Variants in WDR41 observed in about 807,000 individuals in gnomAD.
WDR41 encodes the protein WD repeat-containing protein 41.
Under a neutral mutation model 69.3 loss-of-function variants are expected in WDR41, and 63 were observed. The observed-to-expected ratio is 0.91, with a 90% CI of 0.74 to 1.12. WDR41 has a LOEUF of 1.12. Among genes scored for constraint, WDR41 ranks in the 50% most tolerant of loss-of-function variants. The pLI, the probability that WDR41 is intolerant of heterozygous loss-of-function variation, is 0.00. For missense variants in WDR41, 543 were observed against 534.5 expected (o/e 1.02, Z -0.16); for synonymous variants, 185 against 192.1 (o/e 0.96, Z 0.31).
chr5:77,494,113 T>A (rs952705940), upstream of WDR41, among the ~76,000 whole-genome samples: 2 of 152,170 alleles, frequency 1.3e-5, no homozygotes, highest in Admixed American at 1.3e-4. Flanking sequence ...GAGATTGTTA[T>A]AACGTTAGGA....
rs140237733 is a variant in WDR41 at position 77,467,630 on chromosome 5, T to C, written c.168-2821A>G. Among the ~76,000 whole-genome samples, 736 of 152,166 alleles carry C rather than the reference T, an allele frequency of 4.8e-3. 1 individual carries two copies. The highest frequency in any genetic ancestry group is 7.5e-3 in the Non-Finnish European group (512 of 67,894). ...CCATATTTATTGATCTTTATCTTTA[T>C]AACATGGCACTTGCCAGTCTAATGA... On this transcript the variant is annotated intron_variant, in intron 2 of 12. Coordinates refer to ENST00000296679, the MANE Select transcript of WDR41 (RefSeq NM_018268.4).
chr5:77,439,299 G>A (rs1799067701), intron 9 of WDR41, among the ~76,000 whole-genome samples: 1 of 152,118 alleles, frequency 6.6e-6, no homozygotes, highest in Non-Finnish European at 1.5e-5. Flanking sequence ...CAGCCTCCAA[G>A]ACTACAAACT....
intron 10 of WDR41, among the ~76,000 whole-genome samples, chr5:77,437,690 T>C (rs1321575713): frequency 6.6e-6 from 1 of 152,164 alleles, no homozygotes; most frequent in Non-Finnish European, 1.5e-5. Context: ...CAGTGTGAAT[T>C]ATACTTCACA....
intron 1 of WDR41, among the ~76,000 whole-genome samples, chr5:77,599,121 G>GTT (rs35077936): frequency 2.2e-4 from 29 of 134,692 alleles, no homozygotes; most frequent in African/African-American, 7.1e-4. Flanking sequence ...TAAAACATAC[G>GTT]TTTTTTTTTT....
chr5:77,514,652 G>T (rs544955411), intron 1 of WDR41, among the ~76,000 whole-genome samples: 1 of 152,282 alleles, frequency 6.6e-6, no homozygotes, highest in East Asian at 1.9e-4. Flanking sequence ...CACATTCTGA[G>T]AAATGTGTTG....
intron 1 of WDR41, among the ~76,000 whole-genome samples, chr5:77,590,082 A>C (rs1232721802): frequency 6.6e-6 from 1 of 152,012 alleles, no homozygotes; most frequent in Non-Finnish European, 1.5e-5. Context: ...AACCATATGG[A>C]GGAGGTTTTT....
chr5:77,471,048 T>C (rs925971487), intron 2 of WDR41, among the ~76,000 whole-genome samples: 5 of 152,146 alleles, frequency 3.3e-5, no homozygotes, highest in Non-Finnish European at 7.4e-5. Context: ...TCAGCAAATG[T>C]AAAAGAACAG....
At chr5:77,551,340 G>T (rs7722038) in intron 1 of WDR41, among the ~76,000 whole-genome samples, 3 of 152,092 alleles carry the variant, frequency 2.0e-5, no homozygotes, top group Non-Finnish European at 2.9e-5. Context: ...ATATTCAAAA[G>T]CTAATTTTAG....
chr5:77,509,495 C>T (rs1042365089), intron 1 of WDR41, among the ~76,000 whole-genome samples: 4 of 152,102 alleles, frequency 2.6e-5, no homozygotes, highest in Admixed American at 2.0e-4. Flanking sequence ...GTTGTATAAC[C>T]ATACAGTAGA....
At chr5:77,609,740 A>G (rs966984886) in intron 1 of WDR41, among the ~76,000 whole-genome samples, 4 of 152,186 alleles carry the variant, frequency 2.6e-5, no homozygotes, top group Non-Finnish European at 5.9e-5. Flanking sequence ...AACTCTAAAA[A>G]GCAGAGCGCC....
chr5:77,582,626 C>T (rs1440008388), intron 1 of WDR41: 3 of 1,601,428 alleles, frequency 1.9e-6, no homozygotes, highest in Non-Finnish European at 2.5e-6. Context: ...TTCTATGTAC[C>T]TGCAGAACCC....
intron 2 of WDR41, among the ~76,000 whole-genome samples, chr5:77,471,111 G>C (rs1161790810): frequency 1.3e-5 from 2 of 152,140 alleles, no homozygotes; most frequent in African/African-American, 4.8e-5. Flanking sequence ...TAGAACTCAG[G>C]ATTAAGAAAC....
At chr5:77,471,791 T>A (rs1000174814) in intron 2 of WDR41, among the ~76,000 whole-genome samples, 1 of 151,900 alleles carries the variant, frequency 6.6e-6, no homozygotes, top group African/African-American at 2.4e-5. Flanking sequence ...ATTAATAGCT[T>A]ACCAACCAAA....
At chr5:77,437,946 G>A (rs1799010570) in intron 10 of WDR41, among the ~76,000 whole-genome samples, 1 of 152,122 alleles carries the variant, frequency 6.6e-6, no homozygotes, top group Non-Finnish European at 1.5e-5. Flanking sequence ...ATAAAAATTG[G>A]TACAATGTAA....
At chr5:77,475,623 A>T (rs1327186533) in intron 2 of WDR41, among the ~76,000 whole-genome samples, 2 of 152,186 alleles carry the variant, frequency 1.3e-5, no homozygotes, top group African/African-American at 4.8e-5. Context: ...GTCTGTTAGA[A>T]GGAAAACTAA....
At chr5:77,479,835 A>T (rs963055601) in intron 2 of WDR41, among the ~76,000 whole-genome samples, 5 of 151,766 alleles carry the variant, frequency 3.3e-5, no homozygotes, top group Admixed American at 1.3e-4. Context: ...GATCTAATTA[A>T]ACTAAAGAGC....
intron 12 of WDR41, among the ~76,000 whole-genome samples, 183 bp from the exon 13 acceptor site, chr5:77,433,470 G>GA (rs1365429540): frequency 1.3e-5 from 2 of 152,088 alleles, no homozygotes; most frequent in Admixed American, 1.3e-4. Context: ...ATTTTAATCA[G>GA]AATTTTGTTA....
intron 1 of WDR41, among the ~76,000 whole-genome samples, chr5:77,577,656 A>C (rs867290387): frequency 6.6e-6 from 1 of 152,184 alleles, no homozygotes; most frequent in East Asian, 1.9e-4. Flanking sequence ...ACACATGTGC[A>C]CTAGGAAACA....
At chr5:77,547,539 AC>A (rs1203693375) in intron 1 of WDR41, among the ~76,000 whole-genome samples, 11 of 151,734 alleles carry the variant, frequency 7.2e-5, no homozygotes, top group African/African-American at 2.7e-4. Context: ...AAAAAAAAAA[AC>A]AAACAAAAAA....
Sources: allele counts gnomAD v4.1 joint callset (sites outside exome capture counted in the v4.1 genomes callset), GRCh38; gene constraint gnomAD v4.1.1; transcripts MANE v1.5; gene names NCBI Gene and HGNC (gene_info 2026-07-23, HGNC 2026-07-21).